RTN4: variants seen among roughly 807,000 people sequenced by gnomAD.
The protein encoded by RTN4 is reticulon-4.
A neutral mutation model predicts 90.4 loss-of-function variants in RTN4; 32 were observed. The ratio of observed to expected loss-of-function variants is 0.35; its 90% CI spans 0.27 to 0.48. The LOEUF is 0.48. Among genes scored for constraint, RTN4 ranks in the 20% least tolerant of loss-of-function variants. The pLI is 0.99. For synonymous variants in RTN4, 629 were observed against 552.5 expected (o/e 1.14, Z -1.94); for missense variants, 1,706 against 1,430.2 (o/e 1.19, Z -3.11).
chr2:55,020,522 A>G (rs1681350385), intron 3 of RTN4, among the ~76,000 whole-genome samples: 2 of 152,182 alleles, frequency 1.3e-5, no homozygotes, highest in African/African-American at 2.4e-5. Context: ...CAATAGTAAG[A>G]ATATAGTTTG....
At chr2:55,077,111 C>G (rs1322485658) in intron 2 of RTN4, among the ~76,000 whole-genome samples, 1 of 151,396 alleles carries the variant, frequency 6.6e-6, no homozygotes, top group Non-Finnish European at 1.5e-5. Context: ...CTCCTGGGTT[C>G]ATGCCGTTCT....
chr2:54,994,710 G>T (rs1470909308), intron 3 of RTN4, among the ~76,000 whole-genome samples: 1 of 152,166 alleles, frequency 6.6e-6, no homozygotes, highest in African/African-American at 2.4e-5. Context: ...GTGCTATGCA[G>T]TGCAACTGGC....
chr2:55,005,100 A>T (rs1003313707), intron 3 of RTN4, among the ~76,000 whole-genome samples: 1 of 152,206 alleles, frequency 6.6e-6, no homozygotes, highest in Non-Finnish European at 1.5e-5. Flanking sequence ...ATGACAGACG[A>T]AATTATAAAG....
At chr2:55,056,006 A>G (rs961877789) in intron 2 of RTN4, among the ~76,000 whole-genome samples, 301 of 149,838 alleles carry the variant, frequency 2.0e-3, no homozygotes, top group African/African-American at 6.3e-3. Context: ...GTGTGTGTGT[A>G]TATATATATA....
intron 3 of RTN4, among the ~76,000 whole-genome samples, chr2:54,998,375 G>A (rs762163516): frequency 1.3e-5 from 2 of 152,128 alleles, no homozygotes; most frequent in Non-Finnish European, 2.9e-5. Flanking sequence ...CCCCAGAGCT[G>A]AGCAGAAAGC....
chr2:54,984,274 C>T (rs1678374465), intron 4 of RTN4, among the ~76,000 whole-genome samples: 1 of 152,144 alleles, frequency 6.6e-6, no homozygotes, highest in Non-Finnish European at 1.5e-5. Context: ...AATATAGACA[C>T]ATGTATACTT....
rs779582821 is a variant in RTN4 at position 54,973,110 on chromosome 2, A to AAT, written c.*44_*45dup. ...TGACCCTCCCCCGTATAATCAAATGAATATCCCCTTTAAAGATGAACTCCT... is the reference window on the plus strand; with the variant it reads ...TGACCCTCCCCCGTATAATCAAATGAATATATCCCCTTTAAAGATGAACTCCT... On this transcript the variant is annotated 3_prime_UTR_variant, in exon 9 of 9. Transcript: ENST00000337526. 6.6e-7 allele frequency: 1 copy of AAT among 1,526,662 alleles called. No individual in the cohort carries two copies. The highest frequency in any genetic ancestry group is 1.4e-5 in the African/African-American group (1 of 73,372). 94.6% of individuals were successfully genotyped at this position (1,526,662 alleles called of 1,614,324 possible).
At chr2:55,053,072 C>G (rs192012425), upstream of RTN4, among the ~76,000 whole-genome samples, 179 of 152,028 alleles carry the variant, frequency 1.2e-3, no homozygotes, top group Middle Eastern at 0.01. Context: ...AATATTGATG[C>G]AATAATATAA....
At chr2:55,021,793 ATAT>A (rs1318183368) in intron 3 of RTN4, among the ~76,000 whole-genome samples, 3 of 152,166 alleles carry the variant, frequency 2.0e-5, no homozygotes, top group Non-Finnish European at 4.4e-5. Flanking sequence ...CAGGTCACCT[ATAT>A]TGTTTTCATT....
chr2:55,049,821 G>T lies in RTN4; in HGVS notation c.480C>A (p.Thr160=), dbSNP rs572328965. 1 of 1,306,862 alleles carries T rather than the reference G, an allele frequency of 7.7e-7. No individual in the cohort carries two copies. 81.0% of individuals were successfully genotyped at this position (1,306,862 alleles called of 1,614,324 possible). ...GCGCGGCGGGAGCCGGGGCTGGCGG[G>T]GTCCACACGGGCTCTGCCTGGGGGC... The part of the protein sequence containing the change: ...SVSPQAEPVW[T]PPAPAPAAPP... The change falls in exon 1 of 9, where the codon ACC becomes ACA. Residue 160 remains threonine, a synonymous_variant. Transcript: ENST00000337526.
chr2:55,025,317 C>T lies in RTN4; in HGVS notation c.2782G>A (p.Val928Ile), dbSNP rs750259514. Reference sequence around the variant, plus strand: ...TCTGAGAAACTGATTTTCTCTTCAACTTTGGGTTGTATGTTCTTCAAAGAA... The same window carrying T: ...TCTGAGAAACTGATTTTCTCTTCAATTTTGGGTTGTATGTTCTTCAAAGAA... ...DLSLKNIQPK[V>I]EEKISFSDDF... The change falls in exon 3 of 9, where the codon GTT becomes ATT. Residue 928 changes from valine to isoleucine, a missense_variant. Val to Ile is a conservative substitution (Grantham distance 29). Coordinates refer to ENST00000337526, the MANE Select transcript of RTN4 (RefSeq NM_020532.5). 3 of 1,613,944 alleles carry T rather than the reference C, an allele frequency of 1.9e-6. No homozygotes were observed. Among genetic ancestry groups the T allele is most frequent in the Admixed American group, 3.3e-5 (2 of 59,966 alleles).
the RTN4 span, among the ~76,000 whole-genome samples, chr2:55,123,689 G>A: frequency 1.3e-5 from 2 of 151,594 alleles, no homozygotes; most frequent in Middle Eastern, 3.4e-3. Context: ...CACCAAAAGT[G>A]GATTTTTGCA....
chr2:55,065,563 G>A (rs1006212813), intron 2 of RTN4, among the ~76,000 whole-genome samples: 2 of 151,834 alleles, frequency 1.3e-5, no homozygotes, highest in Non-Finnish European at 2.9e-5. Context: ...TTCATGTAAG[G>A]GAATACTATA....
At chr2:54,983,921 G>A (rs886613142) in intron 4 of RTN4, among the ~76,000 whole-genome samples, 5 of 152,296 alleles carry the variant, frequency 3.3e-5, no homozygotes, top group East Asian at 3.9e-4. Context: ...AACATTCTGT[G>A]ATTCTATGAC....
chr2:54,973,777 A>C (rs764166879), intron 7 of RTN4, 44 bp downstream of exon 7: 6 of 1,577,178 alleles, frequency 3.8e-6, no homozygotes, highest in Admixed American at 1.7e-5. Context: ...CATGTAATAG[A>C]GTGAGTGCTC....
chr2:55,117,412 G>A (rs1668144607), upstream of RTN4, among the ~76,000 whole-genome samples: 1 of 152,202 alleles, frequency 6.6e-6, no homozygotes, highest in Admixed American at 6.5e-5. Context: ...GAACAGAGAA[G>A]ACACAGCTAG....
chr2:55,018,678 A>G (rs1681213339), intron 3 of RTN4, among the ~76,000 whole-genome samples: 1 of 152,204 alleles, frequency 6.6e-6, no homozygotes, highest in Non-Finnish European at 1.5e-5. Flanking sequence ...CAGGAAAGAA[A>G]GAACAAACCC....
At chr2:55,040,891 T>C (rs190652052) in intron 1 of RTN4, among the ~76,000 whole-genome samples, 2 of 152,034 alleles carry the variant, frequency 1.3e-5, no homozygotes, top group African/African-American at 4.8e-5. Context: ...AACAAAACTT[T>C]ATAAACTTTC....
In RTN4 at chr2:55,050,363, C is replaced by A. The variant is rs960914362; in HGVS notation, c.-63G>T. The A allele has an allele frequency of 2.6e-6, 3 of 1,167,582 alleles. No individual in the cohort carries two copies. The highest frequency in any genetic ancestry group is 3.4e-6 in the Non-Finnish European group (3 of 887,298). 72.3% of individuals were successfully genotyped at this position (1,167,582 alleles called of 1,614,324 possible). ...CGCCGCCGGGGCCGCGTCTCAGAGC[C>A]GCGGGCGGTTGTGGGGGTTGGGGAG... is the stretch of plus-strand genomic sequence containing the variant. On this transcript the variant is annotated 5_prime_UTR_variant, in exon 1 of 9. Coordinates refer to ENST00000337526, the MANE Select transcript of RTN4 (RefSeq NM_020532.5). The surrounding 1 kb of genome is among the most constrained non-coding windows in gnomAD (Gnocchi z 4.6).
Sources: gnomAD v4.1 joint callset for allele counts (sites outside exome capture counted in the v4.1 genomes callset) on GRCh38, gnomAD v4.1.1 for gene constraint, Gnocchi (gnomAD v3.1) non-coding constraint, MANE v1.5 for transcripts, NCBI Gene and HGNC (gene_info 2026-07-23, HGNC 2026-07-21) for gene names.